TRMU: variants seen among roughly 807,000 people sequenced by gnomAD.
TRMU encodes the protein mitochondrial tRNA-specific 2-thiouridylase 1.
TRMU carries 49 observed loss-of-function variants against 46.9 expected under a neutral mutation model. The ratio of observed to expected loss-of-function variants is 1.05; its 90% CI spans 0.83 to 1.33. The LOEUF is 1.33. Among genes scored for constraint, TRMU ranks in the 40% most tolerant of loss-of-function variants. The probability of loss-of-function intolerance (pLI) is 0.00; values close to 1 mark genes in which losing one functional copy is unlikely to be tolerated. For missense variants in TRMU, 572 were observed against 532.4 expected (o/e 1.07, Z -0.73); for synonymous variants, 241 against 200.9 (o/e 1.20, Z -1.69).
chr22:46,352,360 T>G, intron 7 of TRMU, 30 bp downstream of exon 7: 1 of 1,612,302 alleles, frequency 6.2e-7, no homozygotes, highest in Non-Finnish European at 8.5e-7. Flanking sequence ...ACTTGTCATC[T>G]GAAATGCCTA....
rs915723185 is a variant in TRMU, at chr22:46,350,565, C to T, written c.651+102C>T. 4 of 1,412,050 alleles carry T rather than the reference C, an allele frequency of 2.8e-6. No individual in the cohort carries two copies. The highest frequency in any genetic ancestry group is 1.7e-5 in the Admixed American group (1 of 57,970). The allele number at this position is 1,412,050 out of a possible 1,614,324, so 87.5% of individuals were successfully genotyped here. On this transcript the variant is annotated intron_variant, in intron 5 of 10. Transcript: ENST00000645190. The surrounding 1 kb of genome is among the most constrained non-coding windows in gnomAD (Gnocchi z 4.6). ...GGGTCCCGCACCACTTCCCCTTCTC[C>T]AGGACCTAACATCAAAGGCGGGCCT...
In TRMU at chr22:46,351,803, C is replaced by G. The variant is rs775626397; in HGVS notation, c.652-318C>G. The G allele has an allele frequency of 1.1e-5, 5 of 456,134 alleles. No homozygotes were observed. Among genetic ancestry groups the G allele is most frequent in the Non-Finnish European group, 2.0e-5 (5 of 246,238 alleles). 28.3% of individuals were successfully genotyped at this position (456,134 alleles called of 1,614,324 possible). A position where few individuals can be genotyped will look rare whatever the true frequency, so the allele number is the denominator to read the frequency against. ...CCTGCCCCTTCTCTGGTCCCTGTCT[C>G]TCCCCCACTCCTCGCAGGACAGTGG... On this transcript the variant is annotated intron_variant, in intron 5 of 10. Coordinates refer to ENST00000645190, the MANE Select transcript of TRMU (RefSeq NM_018006.5). The surrounding 1 kb of genome is among the most constrained non-coding windows in gnomAD (Gnocchi z 6.4).
rs1329165594 is a variant in TRMU, at chr22:46,352,131, T to C, written c.662T>C (p.Met221Thr). 2 of 1,613,414 alleles carry C rather than the reference T, an allele frequency of 1.2e-6. No homozygotes were observed. Among genetic ancestry groups the C allele is most frequent in the Non-Finnish European group, 1.7e-6 (2 of 1,180,024 alleles). ...GTCTTCTCATTTCAGAGCATGGGCA[T>C]GTGTTTCATCGGGAAGAGGAATTTT... ...HVLQKKESMG[M>T]CFIGKRNFEH... The change falls in exon 6 of 11, where the codon ATG becomes ACG. Residue 221 changes from methionine to threonine, a missense_variant. Physicochemically the swap from Met to Thr is moderately conservative, Grantham distance 81 (BLOSUM62 -1). Transcript: ENST00000645190.
At chr22:46,344,132 G>T (rs1401784531) in intron 3 of TRMU, among the ~76,000 whole-genome samples, 1 of 152,230 alleles carries the variant, frequency 6.6e-6, no homozygotes, top group Non-Finnish European at 1.5e-5. Flanking sequence ...ACTAGGTTCA[G>T]TAATTCTCCT....
rs28445575 is a variant in TRMU at position 46,348,318 on chromosome 22, A to G, written c.478+1774A>G. On this transcript the variant is annotated intron_variant, in intron 4 of 10. Transcript: ENST00000645190. This position sits in a 1 kb window ranked among gnomAD's most constrained non-coding sequence, Gnocchi z 4.8. ...CCACGTGCCCTCGGAAACTTGGGAC[A>G]GTACTGATGCGTTCTGTTGAGTGCG... 0.017 allele frequency among the ~76,000 whole-genome samples: 2,583 copies of G among 152,346 alleles called. 63 individuals are homozygous for G. The highest frequency in any genetic ancestry group is 0.057 in the African/African-American group (2,359 of 41,580).
intron 3 of TRMU, 100 bp downstream of exon 3, chr22:46,343,468 C>T (rs1281258904): frequency 1.2e-5 from 10 of 868,876 alleles, no homozygotes; most frequent in Non-Finnish European, 1.9e-5. Context: ...TCACTGCAGC[C>T]TCGACCTCCT....
intron 3 of TRMU, 48 bp downstream of exon 3, chr22:46,343,416 C>T (rs556877103): frequency 6.5e-6 from 9 of 1,378,848 alleles, no homozygotes; most frequent in South Asian, 4.7e-5. Context: ...GACAGGGTCT[C>T]GCTCTGTCAC....
rs187304612 is a variant in TRMU, at chr22:46,347,940, G to A, written c.478+1396G>A. Among the ~76,000 whole-genome samples the A allele has an allele frequency of 1.8e-4, 28 of 152,324 alleles. No homozygotes were observed. The highest frequency in any genetic ancestry group is 4.8e-4 in the African/African-American group (20 of 41,566). On this transcript the variant is annotated intron_variant, in intron 4 of 10. Transcript: ENST00000645190. This position sits in a 1 kb window ranked among gnomAD's most constrained non-coding sequence, Gnocchi z 5.0. The stretch of plus-strand genomic sequence containing the variant: ...CTGAGTGTGCCAACAGTCGTCTGCC[G>A]CCCTCTGTTCCCTCCTCGCCTTCCT...
At position 46,336,956 on chromosome 22, in the gene TRMU, G is replaced by A. The variant is rs1369449568; in HGVS notation, c.83-823G>A. 6.6e-6 allele frequency among the ~76,000 whole-genome samples: 1 copy of A among 152,176 alleles called. No homozygotes were observed. Among genetic ancestry groups the A allele is most frequent in the Non-Finnish European group, 1.5e-5 (1 of 68,048 alleles). On this transcript the variant is annotated intron_variant, in intron 1 of 10. Transcript: ENST00000645190. This position sits in a 1 kb window ranked among gnomAD's most constrained non-coding sequence, Gnocchi z 4.1. ...AGTGTGGGCTGGTTCTGGCCAGATG[G>A]AGATGGAAGGAGAGGAGCCTGGAGC...
At chr22:46,355,891 GT>G in intron 9 of TRMU, 98 bp from the exon 10 acceptor site, 9 of 1,391,872 alleles carry the variant, frequency 6.5e-6, no homozygotes, top group Non-Finnish European at 8.0e-6. Context: ...CTAAGCAGGG[GT>G]TTTTGACCCC....
At chr22:46,356,221 C>G in intron 10 of TRMU, 149 bp downstream of exon 10, 4 of 773,180 alleles carry the variant, frequency 5.2e-6, no homozygotes, top group Non-Finnish European at 6.4e-6. Flanking sequence ...ACCAGCCCTG[C>G]CCTGGGGGCT....
At chr22:46,353,902 T>C (rs768806540) in intron 8 of TRMU, 35 bp downstream of exon 8, 2 of 1,603,604 alleles carry the variant, frequency 1.2e-6, no homozygotes, top group Middle Eastern at 1.7e-4. Flanking sequence ...GCACTGGGGC[T>C]GGTTCTGGCA....
chr22:46,349,385 G>A lies in TRMU; in HGVS notation c.479-906G>A, dbSNP rs1298981527. 6.6e-6 allele frequency among the ~76,000 whole-genome samples: 1 copy of A among 151,958 alleles called. No individual in the cohort carries two copies. The highest frequency in any genetic ancestry group is 2.4e-5 in the African/African-American group (1 of 41,204). On this transcript the variant is annotated intron_variant, in intron 4 of 10. Transcript: ENST00000645190. The surrounding 1 kb of genome is among the most constrained non-coding windows in gnomAD (Gnocchi z 4.6). ...CGTGGGGAGAATTCTCCCTCTCACG[G>A]CTAACGTGGGAATCGGCAGATGGAA...
At chr22:46,345,377 A>G (rs2078226342) in intron 3 of TRMU, among the ~76,000 whole-genome samples, 1 of 152,106 alleles carries the variant, frequency 6.6e-6, no homozygotes, top group Non-Finnish European at 1.5e-5. Context: ...CCTGGCCCAA[A>G]TATCTGGAAT....
rs1303330251 is a variant in TRMU at position 46,355,507 on chromosome 22, A to G, written c.937A>G (p.Ile313Val). The change falls in exon 9 of 11, where the codon ATT becomes GTT. Residue 313 changes from isoleucine to valine, a missense_variant. Coordinates refer to ENST00000645190, the MANE Select transcript of TRMU (RefSeq NM_018006.5). ...GCTGAGGACCAGCCGCGTGCACTGGATTGCGGAGGAGCCTCCCGCAGCACT... is the reference window on the plus strand; with the variant it reads ...GCTGAGGACCAGCCGCGTGCACTGGGTTGCGGAGGAGCCTCCCGCAGCACT... ...DLLRTSRVHW[I>V]AEEPPAALVR... The G allele has an allele frequency of 6.2e-7, 1 of 1,613,048 alleles. No individual in the cohort carries two copies. Among genetic ancestry groups the G allele is most frequent in the African/African-American group, 1.3e-5 (1 of 74,888 alleles).
chr22:46,354,003 G>A, intron 8 of TRMU, 136 bp downstream of exon 8: 1 of 787,408 alleles, frequency 1.3e-6, no homozygotes. Flanking sequence ...CCTGTCCTTG[G>A]TCCCCTGCCT....
chr22:46,336,044 C>T lies in TRMU; in HGVS notation c.82+198C>T. 1.4e-6 allele frequency: 2 copies of T among 1,408,290 alleles called. No individual in the cohort carries two copies. Among genetic ancestry groups the T allele is most frequent in the Non-Finnish European group, 9.2e-7 (1 of 1,085,224 alleles). The allele number at this position is 1,408,290 out of a possible 1,614,324, so 87.2% of individuals were successfully genotyped here. ...CCTGTGTAGTCGGAGGTGTGCGCGA[C>T]TGCAGCTCCGACTACCTGGGAGCAG... is the stretch of plus-strand genomic sequence containing the variant. On this transcript the variant is annotated intron_variant, in intron 1 of 10. Coordinates refer to ENST00000645190, the MANE Select transcript of TRMU (RefSeq NM_018006.5). This position sits in a 1 kb window ranked among gnomAD's most constrained non-coding sequence, Gnocchi z 4.1.
chr22:46,350,147 T>G lies in TRMU; in HGVS notation c.479-144T>G, dbSNP rs1428544888. 5.6e-6 allele frequency: 5 copies of G among 895,738 alleles called. No homozygotes were observed. Among genetic ancestry groups the G allele is most frequent in the Non-Finnish European group, 8.5e-6 (5 of 585,296 alleles). The allele number at this position is 895,738 out of a possible 1,614,324, so 55.5% of individuals were successfully genotyped here. A position where few individuals can be genotyped will look rare whatever the true frequency, so the allele number is the denominator to read the frequency against. On this transcript the variant is annotated intron_variant, in intron 4 of 10. Coordinates refer to ENST00000645190, the MANE Select transcript of TRMU (RefSeq NM_018006.5). The surrounding 1 kb of genome is among the most constrained non-coding windows in gnomAD (Gnocchi z 4.6). ...TTCTTACATTAACCCGTGGTGGTCT[T>G]TTCCCTAGTAGTTGCTATTGAGTGT...
rs1391594508 is a variant in TRMU, at chr22:46,349,989, T to TTTTTTTC, written c.479-299_479-293dup. Among the ~76,000 whole-genome samples the TTTTTTTC allele has an allele frequency of 6.6e-6, 1 of 152,180 alleles. No homozygotes were observed. Among genetic ancestry groups the TTTTTTTC allele is most frequent in the Non-Finnish European group, 1.5e-5 (1 of 68,030 alleles). ...TGAATTTATTTTAGGTGTTTTTTTT[T>TTTTTTTC]TTTTTTCTTATCACTTGAGAACATT... is the stretch of plus-strand genomic sequence containing the variant. On this transcript the variant is annotated intron_variant, in intron 4 of 10. Coordinates refer to ENST00000645190, the MANE Select transcript of TRMU (RefSeq NM_018006.5). The surrounding 1 kb of genome is among the most constrained non-coding windows in gnomAD (Gnocchi z 4.6).
Sources: allele counts gnomAD v4.1 joint callset (sites outside exome capture counted in the v4.1 genomes callset), GRCh38; gene constraint gnomAD v4.1.1; non-coding constraint Gnocchi (gnomAD v3.1); transcripts MANE v1.5; gene names NCBI Gene and HGNC (gene_info 2026-07-23, HGNC 2026-07-21).